APLP2: variants seen among roughly 807,000 people sequenced by gnomAD.
APLP2 encodes CDEI box-binding protein.
APLP2 carries 53 observed loss-of-function variants against 89.9 expected under a neutral mutation model. That is an observed-to-expected ratio of 0.59 (90% CI 0.47 to 0.74). The LOEUF (loss-of-function observed/expected upper bound fraction) is 0.74, where lower values mean the gene tolerates loss of function less well. Ranked by LOEUF, APLP2 falls within the 30% of genes least tolerant of loss-of-function variation. The pLI is 0.00. For synonymous variants in APLP2, 372 were observed against 348.6 expected, an observed-to-expected ratio of 1.07 and a Z score of -0.75; for missense variants, 973 against 975.9, an observed-to-expected ratio of 1.00 and a Z score of 0.04.
At chr11:130,082,773 G>T in intron 1 of APLP2, 1 of 223,334 alleles carries the variant, frequency 4.5e-6, no homozygotes. Flanking sequence ...GCCTGTGACA[G>T]TATGTCAGAC....
At chr11:130,130,265 C>T (rs897118603) in intron 11 of APLP2, 99 bp downstream of exon 11, 86 of 1,476,752 alleles carry the variant, frequency 5.8e-5, no homozygotes, top group Non-Finnish European at 7.8e-5. Context: ...GTTGCATTTG[C>T]TACTAGTCCT....
In APLP2 at chr11:130,141,612, C is replaced by CT; in HGVS notation, c.1998+42dup. 1 of 1,570,778 alleles carries CT rather than the reference C, an allele frequency of 6.4e-7. No individual in the cohort carries two copies. On this transcript the variant is annotated intron_variant, in intron 15 of 16. Coordinates refer to ENST00000338167, the MANE Select transcript of APLP2 (RefSeq NM_001142276.2). This position sits in a 1 kb window ranked among gnomAD's most constrained non-coding sequence, Gnocchi z 4.2. The stretch of plus-strand genomic sequence containing the variant: ...CCAGAACCTAAGGTTTCCTGCCAAT[C>CT]TTAGGTATTTCTCCTCTGGACCTTC...
chr11:130,140,783 A>C (rs1456894533), intron 14 of APLP2: 1 of 202,162 alleles, frequency 4.9e-6, no homozygotes, highest in African/African-American at 2.3e-5. Flanking sequence ...GAGAGTTAAT[A>C]ACTTGGATTA....
chr11:130,078,442 A>G (rs1942519579), intron 1 of APLP2, among the ~76,000 whole-genome samples: 1 of 152,018 alleles, frequency 6.6e-6, no homozygotes, highest in African/African-American at 2.4e-5. Flanking sequence ...TCTTTTGAAG[A>G]AGTTCTTAAT....
At chr11:130,102,400 G>A (rs1199897429) in intron 1 of APLP2, among the ~76,000 whole-genome samples, 4 of 152,158 alleles carry the variant, frequency 2.6e-5, no homozygotes, top group East Asian at 1.9e-4. Context: ...CATTGCCTTC[G>A]CAGGGTGAAA....
chr11:130,122,265 G>T, intron 5 of APLP2, 40 bp from the exon 6 acceptor site: 1 of 1,610,302 alleles, frequency 6.2e-7, no homozygotes, highest in South Asian at 1.1e-5. Context: ...TTTGCACATA[G>T]GAGCTATTAA....
intron 1 of APLP2, among the ~76,000 whole-genome samples, chr11:130,091,344 GGGGCGGCTGGCC>G (rs1438603453): frequency 6.8e-4 from 98 of 143,594 alleles, no homozygotes; most frequent in African/African-American, 2.4e-3. Context: ...CCTCCCGGAC[GGGGCGGCTGGCC>G]GGGCGGGGGG....
intron 1 of APLP2, among the ~76,000 whole-genome samples, chr11:130,078,782 G>C (rs1942602366): frequency 6.6e-6 from 1 of 151,924 alleles, no homozygotes; most frequent in Non-Finnish European, 1.5e-5. Flanking sequence ...GCGTGAATCT[G>C]TTCCTGGGTT....
At chr11:130,136,740 C>T (rs1290308993) in intron 13 of APLP2, among the ~76,000 whole-genome samples, 1 of 152,142 alleles carries the variant, frequency 6.6e-6, no homozygotes, top group Non-Finnish European at 1.5e-5. Context: ...GATGAAAAGG[C>T]GCCATGCCAC....
At chr11:130,084,441 T>G (rs1389927051) in intron 1 of APLP2, among the ~76,000 whole-genome samples, 1 of 152,224 alleles carries the variant, frequency 6.6e-6, no homozygotes, top group African/African-American at 2.4e-5. Flanking sequence ...AGTATTTTGT[T>G]GACATCCTTT....
intron 7 of APLP2, among the ~76,000 whole-genome samples, chr11:130,124,471 A>C (rs1424881156): frequency 6.6e-6 from 1 of 150,628 alleles, no homozygotes; most frequent in Non-Finnish European, 1.5e-5. Flanking sequence ...TGGTAGAAAG[A>C]GTTTCTACCA....
chr11:130,109,163 C>T (rs763870020), intron 1 of APLP2: 13 of 208,564 alleles, frequency 6.2e-5, no homozygotes, highest in East Asian at 1.1e-4. Flanking sequence ...CAAACCTGCA[C>T]GTTGTGCACA....
chr11:130,090,007 A>C (rs78558268), intron 1 of APLP2, among the ~76,000 whole-genome samples: 1 of 152,230 alleles, frequency 6.6e-6, no homozygotes, highest in Non-Finnish European at 1.5e-5. Context: ...TTGAGGCCCT[A>C]TTCAACCTAT....
rs1048374733 is a variant in APLP2, at chr11:130,141,251, C to T, written c.1924-247C>T. 2.0e-6 allele frequency: 1 copy of T among 498,668 alleles called. No homozygotes were observed. The highest frequency in any genetic ancestry group is 2.5e-5 in the South Asian group (1 of 39,482). 30.9% of individuals were successfully genotyped at this position (498,668 alleles called of 1,614,324 possible). On this transcript the variant is annotated intron_variant, in intron 14 of 16. Coordinates refer to ENST00000338167, the MANE Select transcript of APLP2 (RefSeq NM_001142276.2). This position sits in a 1 kb window ranked among gnomAD's most constrained non-coding sequence, Gnocchi z 4.2. ...TCTGTTCTGAGATACGTCTCCACAA[C>T]GGTTACTTGAAGGAAAATGCATACG...
chr11:130,126,615 A>C, intron 7 of APLP2, 85 bp from the exon 8 acceptor site: 2 of 1,522,780 alleles, frequency 1.3e-6, no homozygotes, highest in South Asian at 2.3e-5. Flanking sequence ...AATTGAGTCC[A>C]TCCTGCAGGT....
chr11:130,112,396 G>A (rs184528517), intron 3 of APLP2, among the ~76,000 whole-genome samples: 1 of 142,312 alleles, frequency 7.0e-6, no homozygotes, highest in East Asian at 1.9e-4. Flanking sequence ...TCTGATTGCA[G>A]TTGGGGGAGA....
At chr11:130,105,709 T>C (rs1283464961) in intron 1 of APLP2, among the ~76,000 whole-genome samples, 1 of 148,296 alleles carries the variant, frequency 6.7e-6, no homozygotes, top group Non-Finnish European at 1.5e-5. Context: ...TGCTTTTTTT[T>C]TTTTTTTTTT....
intron 16 of APLP2, 23 bp downstream of exon 16, chr11:130,142,097 G>T: frequency 6.2e-7 from 1 of 1,603,356 alleles, no homozygotes. Flanking sequence ...GCTGCTGAGG[G>T]CCTGCTCTGC....
intron 1 of APLP2, among the ~76,000 whole-genome samples, chr11:130,085,271 G>A (rs1367465993): frequency 2.6e-5 from 4 of 152,136 alleles, no homozygotes; most frequent in South Asian, 2.1e-4. Flanking sequence ...CCAACATGGC[G>A]AAACGCCGTC....
Sources: gnomAD v4.1 joint callset for allele counts (sites outside exome capture counted in the v4.1 genomes callset) on GRCh38, gnomAD v4.1.1 for gene constraint, Gnocchi (gnomAD v3.1) non-coding constraint, MANE v1.5 for transcripts, NCBI Gene and HGNC (gene_info 2026-07-23, HGNC 2026-07-21) for gene names.